The following EPHA5 variants were observed in gnomAD, a reference collection of about 807,000 sequenced individuals.
The protein encoded by EPHA5 is ephrin type-A receptor 5.
Under a neutral mutation model 105.0 loss-of-function variants are expected in EPHA5, and 60 were observed. The ratio of observed to expected loss-of-function variants is 0.57; its 90% CI spans 0.46 to 0.71. EPHA5 has a LOEUF of 0.71. Ranked by LOEUF, EPHA5 falls within the 30% of genes least tolerant of loss-of-function variation. The pLI, the probability that EPHA5 is intolerant of heterozygous loss-of-function variation, is 0.00. For missense variants in EPHA5, 1,218 were observed against 1,274.7 expected (o/e 0.96, Z 0.68); for synonymous variants, 513 against 449.1 (o/e 1.14, Z -1.80).
At chr4:65,648,238 G>C (rs1748298956) in intron 1 of EPHA5, among the ~76,000 whole-genome samples, 2 of 152,156 alleles carry the variant, frequency 1.3e-5, no homozygotes, top group African/African-American at 4.8e-5. Flanking sequence ...ATACAAATAT[G>C]TTCTTCAATG....
At chr4:65,612,190 A>G (rs1560772774) in intron 2 of EPHA5, among the ~76,000 whole-genome samples, 2 of 152,082 alleles carry the variant, frequency 1.3e-5, no homozygotes, top group African/African-American at 2.4e-5. Context: ...CTTTTGTTGC[A>G]TGGATATACT....
chr4:65,484,957 T>C (rs1358654842), intron 5 of EPHA5, among the ~76,000 whole-genome samples: 1 of 152,018 alleles, frequency 6.6e-6, no homozygotes, highest in Non-Finnish European at 1.5e-5. Context: ...ACAGAAGTGT[T>C]GTCATGTAAA....
Position 65,572,701 on chromosome 4 carries a change from G to C in EPHA5, c.910+28940C>G, listed in dbSNP as rs148249630. Among the ~76,000 whole-genome samples, 523 of 152,282 alleles carry C rather than the reference G, an allele frequency of 3.4e-3. 5 individuals carry two copies. The highest frequency in any genetic ancestry group is 6.8e-3 in the Middle Eastern group (2 of 294). Reference sequence around the variant, plus strand: ...AAACTAGAAATAGAAAAAAACAAGAGAGCATGTCCTTTACTCATTTATTAT... The same window carrying C: ...AAACTAGAAATAGAAAAAAACAAGACAGCATGTCCTTTACTCATTTATTAT... On this transcript the variant is annotated intron_variant, in intron 3 of 16. Coordinates refer to ENST00000613740, the MANE Select transcript of EPHA5 (RefSeq NM_001281766.3).
chr4:65,663,253 A>T (rs1342913260), intron 1 of EPHA5, among the ~76,000 whole-genome samples: 1 of 152,140 alleles, frequency 6.6e-6, no homozygotes, highest in African/African-American at 2.4e-5. Context: ...TATAGAAATG[A>T]CTGCTTATGG....
intron 14 of EPHA5, among the ~76,000 whole-genome samples, chr4:65,336,986 C>A (rs1448530517): frequency 1.3e-5 from 2 of 151,928 alleles, no homozygotes; most frequent in Non-Finnish European, 2.9e-5. Flanking sequence ...AACAATTAGT[C>A]TTAATTATAC....
chr4:65,516,506 C>T (rs985837201), intron 3 of EPHA5, among the ~76,000 whole-genome samples: 2 of 151,850 alleles, frequency 1.3e-5, no homozygotes, highest in Non-Finnish European at 1.5e-5. Context: ...ATAAATTTAT[C>T]TGTGCTTTTA....
intron 3 of EPHA5, among the ~76,000 whole-genome samples, chr4:65,531,130 C>T (rs1285211996): frequency 6.6e-6 from 1 of 150,966 alleles, no homozygotes; most frequent in African/African-American, 2.4e-5. Flanking sequence ...CTCCGCTTCC[C>T]GGGTTCACGC....
At chr4:65,447,566 A>G (rs1726670726) in intron 5 of EPHA5, among the ~76,000 whole-genome samples, 1 of 151,662 alleles carries the variant, frequency 6.6e-6, no homozygotes, top group Non-Finnish European at 1.5e-5. Flanking sequence ...AAAAATTGAC[A>G]AAAACTGGAA....
intron 3 of EPHA5, among the ~76,000 whole-genome samples, chr4:65,509,828 C>T (rs1487513137): frequency 1.3e-5 from 2 of 152,070 alleles, no homozygotes; most frequent in African/African-American, 4.8e-5. Context: ...TTAGCATAAT[C>T]ATCAGATGAA....
intron 1 of EPHA5, among the ~76,000 whole-genome samples, chr4:65,651,635 T>C (rs1748617458): frequency 6.6e-6 from 1 of 152,200 alleles, no homozygotes; most frequent in South Asian, 2.1e-4. Flanking sequence ...GCCTTTTTTA[T>C]TTCAAAATAT....
chr4:65,580,874 A>G (rs1042781624), intron 3 of EPHA5, among the ~76,000 whole-genome samples: 1 of 151,618 alleles, frequency 6.6e-6, no homozygotes, highest in Non-Finnish European at 1.5e-5. Context: ...AGACATATTT[A>G]AAAGACTAGC....
intron 2 of EPHA5, among the ~76,000 whole-genome samples, chr4:65,637,904 T>G (rs1037900785): frequency 1.3e-5 from 2 of 152,050 alleles, no homozygotes; most frequent in African/African-American, 4.8e-5. Context: ...TAAGTCTGAG[T>G]TTACAATGTA....
chr4:65,622,472 A>C (rs1262616374), intron 2 of EPHA5, among the ~76,000 whole-genome samples: 2 of 152,162 alleles, frequency 1.3e-5, no homozygotes, highest in African/African-American at 4.8e-5. Context: ...AATGAAGATA[A>C]AATGTTTTGT....
chr4:65,665,813 A>T (rs542126665), intron 1 of EPHA5, among the ~76,000 whole-genome samples: 1 of 152,288 alleles, frequency 6.6e-6, no homozygotes, highest in East Asian at 1.9e-4. Context: ...TTCATGGTTT[A>T]TTAAGCAAAA....
At chr4:65,639,191 G>C (rs1048157317) in intron 2 of EPHA5, among the ~76,000 whole-genome samples, 1 of 152,296 alleles carries the variant, frequency 6.6e-6, no homozygotes, top group Non-Finnish European at 1.5e-5. Context: ...GGAAAATAAA[G>C]ATGCAGTTTT....
At chr4:65,340,839 C>T (rs939923567) in intron 14 of EPHA5, among the ~76,000 whole-genome samples, 1 of 152,198 alleles carries the variant, frequency 6.6e-6, no homozygotes, top group Non-Finnish European at 1.5e-5. Context: ...ACACTAGCTG[C>T]TGTGCTGTAA....
chr4:65,455,436 G>A (rs149461293), intron 5 of EPHA5, among the ~76,000 whole-genome samples: 2 of 152,002 alleles, frequency 1.3e-5, no homozygotes, highest in African/African-American at 2.4e-5. Flanking sequence ...TAGTTCTTGA[G>A]AATACTTATC....
rs959222386 is a variant in EPHA5, at chr4:65,669,943, C to G, written c.-201G>C. 6.7e-6 allele frequency: 5 copies of G among 742,524 alleles called. No individual in the cohort carries two copies. Among genetic ancestry groups the G allele is most frequent in the Non-Finnish European group, 9.2e-6 (5 of 541,922 alleles). 46.0% of individuals were successfully genotyped at this position (742,524 alleles called of 1,614,324 possible). On this transcript the variant is annotated 5_prime_UTR_variant, in exon 1 of 17. Coordinates refer to ENST00000613740, the MANE Select transcript of EPHA5 (RefSeq NM_001281766.3). ...GTTTGCTTCTGGCTCCTCTCGCCTCCCCCTTTGGTGGGGTTAAATGAAATA... is the reference window on the plus strand; with the variant it reads ...GTTTGCTTCTGGCTCCTCTCGCCTCGCCCTTTGGTGGGGTTAAATGAAATA...
chr4:65,373,991 T>C (rs922989474), intron 8 of EPHA5, among the ~76,000 whole-genome samples: 4 of 151,970 alleles, frequency 2.6e-5, no homozygotes, highest in African/African-American at 7.2e-5. Flanking sequence ...TACATTGGTT[T>C]CTGTAAGCAC....
Sources: allele counts gnomAD v4.1 joint callset (sites outside exome capture counted in the v4.1 genomes callset), GRCh38; gene constraint gnomAD v4.1.1; transcripts MANE v1.5; gene names NCBI Gene and HGNC (gene_info 2026-07-23, HGNC 2026-07-21).